Variants in ABCG1 observed in about 807,000 individuals in gnomAD.
ABCG1 encodes ATP binding cassette subfamily G member 1.
A neutral mutation model predicts 69.2 loss-of-function variants in ABCG1; 29 were observed. The ratio of observed to expected loss-of-function variants is 0.42; its 90% CI spans 0.31 to 0.57. ABCG1 has a LOEUF of 0.57. Ranked by LOEUF, ABCG1 falls within the 20% of genes least tolerant of loss-of-function variation. ABCG1 has a pLI of 0.15. For missense variants in ABCG1, 718 were observed against 898.1 expected (o/e 0.80, Z 2.56); for synonymous variants, 370 against 374.8 (o/e 0.99, Z 0.15).
chr21:42,233,125 G>A (rs984756837), intron 2 of ABCG1, among the ~76,000 whole-genome samples: 7 of 152,190 alleles, frequency 4.6e-5, no homozygotes, highest in South Asian at 4.1e-4. Flanking sequence ...GAGTGGTGGC[G>A]GGTGGGCCTG....
At chr21:42,244,750 G>T (rs1326099819) in intron 2 of ABCG1, among the ~76,000 whole-genome samples, 2 of 152,190 alleles carry the variant, frequency 1.3e-5, no homozygotes, top group African/African-American at 4.8e-5. Flanking sequence ...CTGTTTACAT[G>T]ACATCCATTT....
In ABCG1 at chr21:42,254,122, G is replaced by C. The variant is rs1448848050; in HGVS notation, c.287-16948G>C. Among the ~76,000 whole-genome samples, 2 of 152,142 alleles carry C rather than the reference G, an allele frequency of 1.3e-5. 1 individual carries two copies. The highest frequency in any genetic ancestry group is 6.3e-3 in the Middle Eastern group (2 of 316). ...GAGAAATGGACAGAAGTATGGATGG[G>C]GAATGCTGAATGTGAGGGAGACCCC... On this transcript the variant is annotated intron_variant, in intron 2 of 14. Transcript: ENST00000398449.
At chr21:42,209,363 A>G (rs954838617) in intron 2 of ABCG1, among the ~76,000 whole-genome samples, 4 of 152,142 alleles carry the variant, frequency 2.6e-5, no homozygotes, top group Non-Finnish European at 5.9e-5. Context: ...ACATTACAAC[A>G]TTTTCTAAAG....
intron 13 of ABCG1, among the ~76,000 whole-genome samples, chr21:42,292,706 CCACACTA>C (rs2069090369): frequency 1.4e-5 from 2 of 140,436 alleles, no homozygotes; most frequent in Admixed American, 1.4e-4. Flanking sequence ...ACACTACACA[CCACACTA>C]CACACTACAC....
At chr21:42,223,202 T>C (rs2067758698) in intron 1 of ABCG1, among the ~76,000 whole-genome samples, 1 of 152,226 alleles carries the variant, frequency 6.6e-6, no homozygotes, top group African/African-American at 2.4e-5. Context: ...TCTGAACGCT[T>C]CACTGTCTCA....
At chr21:42,223,228 G>T (rs2067759159) in intron 1 of ABCG1, among the ~76,000 whole-genome samples, 1 of 152,168 alleles carries the variant, frequency 6.6e-6, no homozygotes. Context: ...GTGGGACTTT[G>T]TCTATGCTGT....
At chr21:42,209,015 T>G (rs561174921) in intron 2 of ABCG1, among the ~76,000 whole-genome samples, 158 of 152,198 alleles carry the variant, frequency 1.0e-3, no homozygotes, top group African/African-American at 3.7e-3. Flanking sequence ...GAGAAATGTC[T>G]CGGAGCCTGG....
chr21:42,232,430 G>A (rs920939475), intron 2 of ABCG1, among the ~76,000 whole-genome samples: 1 of 152,206 alleles, frequency 6.6e-6, no homozygotes, highest in Non-Finnish European at 1.5e-5. Flanking sequence ...GGCTCAGATG[G>A]CTCTGCCAAC....
rs1378894335 is a variant in ABCG1 at position 42,282,439 on chromosome 21, G to C, written c.734+20G>C. 6.2e-7 allele frequency: 1 copy of C among 1,602,486 alleles called. No individual in the cohort carries two copies. The highest frequency in any genetic ancestry group is 1.3e-5 in the African/African-American group (1 of 74,644). On this transcript the variant is annotated intron_variant, in intron 6 of 14. Coordinates refer to ENST00000398449, the MANE Select transcript of ABCG1 (RefSeq NM_016818.3). ...CACCAGGTAAGTCAGGAGCATCTGA[G>C]CTGGTGTCCAGGGGCAGGAAGAACC...
At chr21:42,229,023 G>A (rs992618867) in intron 2 of ABCG1, among the ~76,000 whole-genome samples, 1 of 152,218 alleles carries the variant, frequency 6.6e-6, no homozygotes. Flanking sequence ...CTCTGCGCCT[G>A]CTGGTCCACC....
chr21:42,268,362 G>GGTGTGTGTGTGTGTGTGT (rs1555957893), intron 2 of ABCG1, among the ~76,000 whole-genome samples: 371 of 147,692 alleles, frequency 2.5e-3, no homozygotes, highest in African/African-American at 8.7e-3. Flanking sequence ...TAGAGGTAGG[G>GGTGTGTGTGTGTGTGTGT]GTGTGTGTGT....
Position 42,219,855 on chromosome 21 carries a change from C to A in ABCG1, c.42+551C>A. On this transcript the variant is annotated intron_variant, in intron 1 of 14. Transcript: ENST00000398449. The surrounding 1 kb of genome is among the most constrained non-coding windows in gnomAD (Gnocchi z 5.3). ...CTGCACTCCCGGGGACACCCTCTCCCGGACCCACTCGGGGAGGCGGCGGCG... is the reference window on the plus strand; with the variant it reads ...CTGCACTCCCGGGGACACCCTCTCCAGGACCCACTCGGGGAGGCGGCGGCG... 1.3e-6 allele frequency: 2 copies of A among 1,524,384 alleles called. No homozygotes were observed. Among genetic ancestry groups the A allele is most frequent in the Non-Finnish European group, 1.8e-6 (2 of 1,137,454 alleles). 94.4% of individuals were successfully genotyped at this position (1,524,384 alleles called of 1,614,324 possible).
intron 2 of ABCG1, among the ~76,000 whole-genome samples, chr21:42,255,185 G>A (rs1165680177): frequency 6.6e-6 from 1 of 152,254 alleles, no homozygotes; most frequent in South Asian, 2.1e-4. Flanking sequence ...CAGTACCTGC[G>A]CAGGGGCAGG....
intron 2 of ABCG1, chr21:42,259,495 GTCCAC>G (rs1569223572): frequency 6.5e-7 from 1 of 1,547,324 alleles, no homozygotes; most frequent in South Asian, 1.2e-5. Context: ...CCATCCAACC[GTCCAC>G]TCAAGGTGCA....
rs530229874 is a variant in ABCG1 at position 42,262,291 on chromosome 21, ATTC to A, written c.287-8773_287-8771del. 4.3e-3 allele frequency among the ~76,000 whole-genome samples: 656 copies of A among 152,320 alleles called. 5 individuals are homozygous for A. The highest frequency in any genetic ancestry group is 5.6e-3 in the Non-Finnish European group (383 of 68,026). On this transcript the variant is annotated intron_variant, in intron 2 of 14. Transcript: ENST00000398449. ...GAGACCTTCCCACATCCTGGCAAGA[ATTC>A]TTCTTTTTTCTGAGGATGTTTTGTG...
Position 42,291,324 on chromosome 21 carries a change from G to T in ABCG1, c.1494+132G>T. 1 of 1,163,564 alleles carries T rather than the reference G, an allele frequency of 8.6e-7. No homozygotes were observed. Among genetic ancestry groups the T allele is most frequent in the Non-Finnish European group, 1.2e-6 (1 of 812,662 alleles). 72.1% of individuals were successfully genotyped at this position (1,163,564 alleles called of 1,614,324 possible). ...CTTCGGGAGCTCTGGTGGGAGCTGC[G>T]GGGAAGGGCCTGACTTCGGGAGCTG... On this transcript the variant is annotated intron_variant, in intron 12 of 14. Transcript: ENST00000398449. This position sits in a 1 kb window ranked among gnomAD's most constrained non-coding sequence, Gnocchi z 6.4.
At chr21:42,202,609 C>T (rs890206333) in intron 2 of ABCG1, among the ~76,000 whole-genome samples, 1 of 151,292 alleles carries the variant, frequency 6.6e-6, no homozygotes, top group Non-Finnish European at 1.5e-5. Flanking sequence ...AACAGTCTCT[C>T]TCCCTTTTTT....
In ABCG1 at chr21:42,288,389, T is replaced by C; in HGVS notation, c.1224+77T>C. 1 of 1,065,768 alleles carries C rather than the reference T, an allele frequency of 9.4e-7. No homozygotes were observed. The allele number at this position is 1,065,768 out of a possible 1,614,324, so 66.0% of individuals were successfully genotyped here. ...CTCAGACTCGTCCTGACGGAATGTGTTCGTTCATTCTCACATTGCTATAAA... is the reference window on the plus strand; with the variant it reads ...CTCAGACTCGTCCTGACGGAATGTGCTCGTTCATTCTCACATTGCTATAAA... On this transcript the variant is annotated intron_variant, in intron 10 of 14. Coordinates refer to ENST00000398449, the MANE Select transcript of ABCG1 (RefSeq NM_016818.3). The surrounding 1 kb of genome is among the most constrained non-coding windows in gnomAD (Gnocchi z 4.8).
At chr21:42,284,968 G>A (rs1404907460) in intron 7 of ABCG1, among the ~76,000 whole-genome samples, 4 of 152,054 alleles carry the variant, frequency 2.6e-5, no homozygotes, top group East Asian at 3.9e-4. Flanking sequence ...TTTTGAGAGC[G>A]TTTAAGTGCC....
Sources: gnomAD v4.1 joint callset for allele counts (sites outside exome capture counted in the v4.1 genomes callset) on GRCh38, gnomAD v4.1.1 for gene constraint, Gnocchi (gnomAD v3.1) non-coding constraint, MANE v1.5 for transcripts, NCBI Gene and HGNC (gene_info 2026-07-23, HGNC 2026-07-21) for gene names.